Variants in MAN2A1 observed in about 807,000 individuals in gnomAD.
MAN2A1 encodes the protein mannosidase alpha class 2A member 1.
Under a neutral mutation model 142.6 loss-of-function variants are expected in MAN2A1, and 76 were observed. That is an observed-to-expected ratio of 0.53 (90% CI 0.44 to 0.65). MAN2A1 has a LOEUF of 0.65. MAN2A1 is among the 30% of genes least tolerant of loss of function. MAN2A1 has a pLI of 0.00. For synonymous variants in MAN2A1, 559 were observed against 473.2 expected (o/e 1.18, Z -2.35); for missense variants, 1,311 against 1,365.1 (o/e 0.96, Z 0.62).
intron 16 of MAN2A1, among the ~76,000 whole-genome samples, chr5:109,828,207 G>T (rs1754809192): frequency 6.6e-6 from 1 of 151,984 alleles, no homozygotes; most frequent in Non-Finnish European, 1.5e-5. Context: ...ATAATTTAAT[G>T]AAATGCAATT....
intron 5 of MAN2A1, among the ~76,000 whole-genome samples, chr5:109,766,611 G>C (rs915799187): frequency 6.6e-6 from 1 of 152,050 alleles, no homozygotes; most frequent in Non-Finnish European, 1.5e-5. Flanking sequence ...CTGCAAACTA[G>C]AGTCAAGATC....
chr5:109,718,977 T>TA (rs202217456), intron 3 of MAN2A1, among the ~76,000 whole-genome samples: 24,319 of 78,138 alleles, frequency 0.31, 2,079 homozygotes, highest in African/African-American at 0.5. Flanking sequence ...TTTCTATTCT[T>TA]AAAAAAAAAA....
intron 13 of MAN2A1, among the ~76,000 whole-genome samples, chr5:109,818,210 G>A (rs10078198): frequency 0.084 from 12,796 of 151,944 alleles, 629 homozygotes; most frequent in African/African-American, 0.15. Flanking sequence ...GCGCGATCTC[G>A]GCGCACCGCA....
rs555059405 is a variant in MAN2A1, at chr5:109,837,547, C to T, written c.2567-4781C>T. 7.2e-5 allele frequency among the ~76,000 whole-genome samples: 11 copies of T among 152,146 alleles called. No individual in the cohort carries two copies. In the East Asian group the frequency reaches 9.7e-4, roughly 13 times the overall value. On this transcript the variant is annotated intron_variant, in intron 16 of 21. Coordinates refer to ENST00000261483, the MANE Select transcript of MAN2A1 (RefSeq NM_002372.4). The stretch of plus-strand genomic sequence containing the variant: ...TGGTTCTGCCAGTCTTGTCCTTGGG[C>T]GAGTGATTTCTTCCTCAGCTTAGGG...
In MAN2A1 at chr5:109,869,442, C is replaced by T. The variant is rs1162743866; in HGVS notation, c.*2444C>T. On this transcript the variant is annotated 3_prime_UTR_variant, in exon 22 of 22. Transcript: ENST00000261483. The stretch of plus-strand genomic sequence containing the variant: ...AAAACATTATCATGATCTTCCCATG[C>T]CTTTGTTGTACTTGTGCCGAAGTGT... The T allele has an allele frequency of 6.6e-6, 1 of 152,048 alleles. No homozygotes were observed. Among genetic ancestry groups the T allele is most frequent in the Non-Finnish European group, 1.5e-5 (1 of 68,022 alleles). The allele number at this position is 152,048 out of a possible 1,614,324, so 9.4% of individuals were successfully genotyped here.
Position 109,789,483 on chromosome 5 carries a change from T to A in MAN2A1, c.1899T>A (p.Asp633Glu). The A allele has an allele frequency of 1.3e-6, 2 of 1,589,566 alleles. No individual in the cohort carries two copies. Among genetic ancestry groups the A allele is most frequent in the South Asian group, 1.1e-5 (1 of 87,648 alleles). The part of the protein sequence containing the change: ...LEMDLKQKSQ[D>E]SLPQKNIIRL... The stretch of plus-strand genomic sequence containing the variant: ...AGGATTTGAAACAAAAATCACAAGA[T>A]TCTCTGCCACAAAAAAATATAATAA... Residue 633 changes from aspartate to glutamate, a missense_variant, in exon 12 of 22, where the codon GAT becomes GAA. By Grantham distance (45) the Asp-to-Glu change is conservative. Around this residue, in one of 3 missense-constraint regions of MAN2A1, gnomAD observed 890 missense variants for 920.5 expected, o/e 0.97. Coordinates refer to ENST00000261483, the MANE Select transcript of MAN2A1 (RefSeq NM_002372.4).
intron 17 of MAN2A1, among the ~76,000 whole-genome samples, chr5:109,845,390 A>T (rs73218714): frequency 2.2e-4 from 34 of 152,278 alleles, no homozygotes; most frequent in Middle Eastern, 3.4e-3. Flanking sequence ...ATTTTAACAT[A>T]ATATCTTAGA....
At chr5:109,781,969 A>G (rs1753470962) in intron 9 of MAN2A1, among the ~76,000 whole-genome samples, 1 of 152,134 alleles carries the variant, frequency 6.6e-6, no homozygotes, top group East Asian at 1.9e-4. Context: ...CTCATTGGAA[A>G]CATAGGTGAG....
chr5:109,761,129 T>C (rs1198620518), intron 5 of MAN2A1, among the ~76,000 whole-genome samples: 1 of 150,468 alleles, frequency 6.6e-6, no homozygotes, highest in Non-Finnish European at 1.5e-5. Flanking sequence ...TATCTTTTTA[T>C]TATAAATATT....
At chr5:109,737,583 A>G (rs1752141204) in intron 4 of MAN2A1, among the ~76,000 whole-genome samples, 1 of 152,016 alleles carries the variant, frequency 6.6e-6, no homozygotes, top group African/African-American at 2.4e-5. Flanking sequence ...TTATCTTCGT[A>G]CAGTCAGTTT....
At chr5:109,708,509 G>GAGACACACACAC (rs1554072321) in intron 1 of MAN2A1, among the ~76,000 whole-genome samples, 53 of 124,608 alleles carry the variant, frequency 4.3e-4, no homozygotes, top group African/African-American at 1.6e-3. Context: ...GAACTGATAG[G>GAGACACACACAC]ACACACACAC....
chr5:109,754,519 T>G (rs909463109), intron 4 of MAN2A1, among the ~76,000 whole-genome samples: 1 of 152,232 alleles, frequency 6.6e-6, no homozygotes, highest in African/African-American at 2.4e-5. Context: ...AGCTTTACCC[T>G]TGTTATTTTT....
chr5:109,855,007 G>A lies in MAN2A1; in HGVS notation c.2977-133G>A, dbSNP rs868782118. ...TGGTAGTTTATGGAGTATTTTCTAA[G>A]ACTGTTATTTATAAAATGTAATGAA... On this transcript the variant is annotated intron_variant, in intron 19 of 21. Transcript: ENST00000261483. 1.4e-4 allele frequency: 64 copies of A among 462,318 alleles called. 1 individual carries two copies. In the Middle Eastern group the frequency reaches 2.7e-3, roughly 19 times the overall value. The allele number at this position is 462,318 out of a possible 1,614,324, so 28.6% of individuals were successfully genotyped here. A position where few individuals can be genotyped will look rare whatever the true frequency, so the allele number is the denominator to read the frequency against.
intron 3 of MAN2A1, 29 bp from the exon 4 acceptor site, chr5:109,729,313 C>T (rs763480569): frequency 3.3e-6 from 5 of 1,512,420 alleles, no homozygotes; most frequent in Non-Finnish European, 4.5e-6. Flanking sequence ...CGAATTAGAC[C>T]TTTGTGGTAT....
chr5:109,867,183 T>G lies in MAN2A1; in HGVS notation c.*185T>G. 1 of 379,612 alleles carries G rather than the reference T, an allele frequency of 2.6e-6. No individual in the cohort carries two copies. The highest frequency in any genetic ancestry group is 4.6e-6 in the Non-Finnish European group (1 of 216,726). The allele number at this position is 379,612 out of a possible 1,614,324, so 23.5% of individuals were successfully genotyped here. ...AAAAAAAAAAAAAAAAAAAAAGCCA[T>G]GCTATCAATCAAGATTCTTTTTTTT... On this transcript the variant is annotated 3_prime_UTR_variant, in exon 22 of 22. Coordinates refer to ENST00000261483, the MANE Select transcript of MAN2A1 (RefSeq NM_002372.4).
In MAN2A1 at chr5:109,789,443, A is replaced by G. The variant is rs747406215; in HGVS notation, c.1876-17A>G. On this transcript the variant is annotated splice_polypyrimidine_tract_variant and intron_variant, in intron 11 of 21. Coordinates refer to ENST00000261483, the MANE Select transcript of MAN2A1 (RefSeq NM_002372.4). ...GAGTGTTAAGTAAAATTAAAAAATT[A>G]CTGTTCATTTTTATAGGATTTGAAA... 6.8e-7 allele frequency: 1 copy of G among 1,471,408 alleles called. No homozygotes were observed. Among genetic ancestry groups the G allele is most frequent in the Non-Finnish European group, 9.3e-7 (1 of 1,070,640 alleles). The allele number at this position is 1,471,408 out of a possible 1,614,324, so 91.1% of individuals were successfully genotyped here.
chr5:109,739,544 C>CT (rs1752205998), intron 4 of MAN2A1, among the ~76,000 whole-genome samples: 1 of 152,102 alleles, frequency 6.6e-6, no homozygotes, highest in Non-Finnish European at 1.5e-5. Context: ...TCTTTTCTGG[C>CT]TTTGAGTATT....
chr5:109,802,715 C>T (rs1754063563), intron 12 of MAN2A1, among the ~76,000 whole-genome samples: 1 of 152,108 alleles, frequency 6.6e-6, no homozygotes, highest in Non-Finnish European at 1.5e-5. Flanking sequence ...TTTTGTACCA[C>T]ATTCTCTAAA....
At chr5:109,846,552 T>G (rs898864637) in intron 18 of MAN2A1, among the ~76,000 whole-genome samples, 39 of 152,188 alleles carry the variant, frequency 2.6e-4, no homozygotes, top group African/African-American at 9.2e-4. Context: ...CAATAGACAC[T>G]GATTAATTTT....
Sources: gnomAD v4.1 joint callset for allele counts (sites outside exome capture counted in the v4.1 genomes callset) on GRCh38, gnomAD v4.1.1 for gene constraint, gnomAD v4.1.1 regional missense constraint, MANE v1.5 for transcripts, NCBI Gene and HGNC (gene_info 2026-07-23, HGNC 2026-07-21) for gene names.